Variants in BRPF1 observed in about 807,000 individuals in gnomAD.
The protein encoded by BRPF1 is bromodomain and PHD finger containing 1.
A neutral mutation model predicts 115.0 loss-of-function variants in BRPF1; 15 were observed. That is an observed-to-expected ratio of 0.13 (90% CI 0.09 to 0.20). The LOEUF (loss-of-function observed/expected upper bound fraction) is 0.20. BRPF1 is among the 10% of genes least tolerant of loss of function. BRPF1 has a pLI of 1.00. For missense variants in BRPF1, 1,118 were observed against 1,638.3 expected, an observed-to-expected ratio of 0.68 and a Z score of 5.48; for synonymous variants, 647 against 619.8, an observed-to-expected ratio of 1.04 and a Z score of -0.65.
At position 9,744,397 on chromosome 3, in the gene BRPF1, C is replaced by T. The variant is rs965340088; in HGVS notation, c.2809C>T (p.Pro937Ser). ...PSHGGSPVGPPQLPIMSSLRQ... is the reference protein window; with the variant it reads ...PSHGGSPVGPSQLPIMSSLRQ... ...CCACGGAGGCAGTCCTGTGGGGCCCCCCCAGCTCCCCATCATGAGTTCCCT... is the reference window on the plus strand; with the variant it reads ...CCACGGAGGCAGTCCTGTGGGGCCCTCCCAGCTCCCCATCATGAGTTCCCT... The change falls in exon 9 of 14, where the codon CCC (proline) becomes TCC (serine). Residue 937 changes from proline to serine, a missense_variant. Physicochemically the swap from Pro to Ser is moderately conservative, Grantham distance 74. Around this residue, in one of 10 missense-constraint regions of BRPF1, gnomAD observed 92 missense variants for 102.2 expected, o/e 0.90. Coordinates refer to ENST00000383829, the MANE Select transcript of BRPF1 (RefSeq NM_001003694.2). The T allele has an allele frequency of 3.7e-6, 6 of 1,611,300 alleles. No homozygotes were observed. Among genetic ancestry groups the T allele is most frequent in the Admixed American group, 1.7e-5 (1 of 59,614 alleles).
At position 9,741,311 on chromosome 3, in the gene BRPF1, G is replaced by T; in HGVS notation, c.1726G>T (p.Asp576Tyr). 2.5e-6 allele frequency: 4 copies of T among 1,573,320 alleles called. No individual in the cohort carries two copies. The highest frequency in any genetic ancestry group is 3.5e-6 in the Non-Finnish European group (4 of 1,155,998). Reference protein sequence around the residue: ...SQRNCDQVGRDSEDKNWALKE... With the variant: ...SQRNCDQVGRYSEDKNWALKE... ...GATCTTCGTTTTGCCTCTACAGAGA[G>T]ATTCTGAGGATAAGAACTGGGCCCT... The change falls in exon 5 of 14, where the codon GAT becomes TAT. Residue 576 changes from aspartate (D) to tyrosine (Y), a missense_variant. Physicochemically the swap from Asp to Tyr is radical, Grantham distance 160 (BLOSUM62 -3). Transcript: ENST00000383829.
chr3:9,738,325 C>T (rs1368192702), intron 2 of BRPF1, among the ~76,000 whole-genome samples: 2 of 152,236 alleles, frequency 1.3e-5, no homozygotes, highest in African/African-American at 4.8e-5. Context: ...AACACTAACT[C>T]TATGGCTGTG....
chr3:9,741,155 T>C (rs2077022583), intron 4 of BRPF1, among the ~76,000 whole-genome samples, 153 bp from the exon 5 acceptor site: 2 of 152,244 alleles, frequency 1.3e-5, no homozygotes, highest in Non-Finnish European at 2.9e-5. Context: ...GCATTTATTC[T>C]GCCAGGCCTT....
In BRPF1 at chr3:9,741,990, C is replaced by T. The variant is rs140008863; in HGVS notation, c.1855-35C>T. The T allele has an allele frequency of 6.0e-3, 9,688 of 1,611,658 alleles. 47 individuals carry two copies. The highest frequency in any genetic ancestry group is 6.4e-3 in the Non-Finnish European group (7,593 of 1,178,852). Reference sequence around the variant, plus strand: ...CAGACCTCTTTGCCACTGAACTGGCCGAGGCCTGGCTGATCAGGCCTTTTT... The same window carrying T: ...CAGACCTCTTTGCCACTGAACTGGCTGAGGCCTGGCTGATCAGGCCTTTTT... On this transcript the variant is annotated intron_variant, in intron 5 of 13. Coordinates refer to ENST00000383829, the MANE Select transcript of BRPF1 (RefSeq NM_001003694.2).
rs905665268 is a variant in BRPF1 at position 9,740,805 on chromosome 3, C to T, written c.1586C>T (p.Thr529Ile). 6.2e-7 allele frequency: 1 copy of T among 1,614,042 alleles called. No homozygotes were observed. Among genetic ancestry groups the T allele is most frequent in the South Asian group, 1.1e-5 (1 of 91,086 alleles). ...HRLSKITNRLTIQRKSQFMQR... is the reference protein window; with the variant it reads ...HRLSKITNRLIIQRKSQFMQR... Reference sequence around the variant, plus strand: ...CTTAGTAAAATCACCAACCGCCTGACCATCCAAAGGAAGAGCCAGTTCATG... The same window carrying T: ...CTTAGTAAAATCACCAACCGCCTGATCATCCAAAGGAAGAGCCAGTTCATG... Residue 529 changes from threonine to isoleucine, a missense_variant, in exon 4 of 14, where the codon ACC becomes ATC. Physicochemically the swap from Thr to Ile is moderately conservative, Grantham distance 89 (BLOSUM62 -1). Transcript: ENST00000383829.
At chr3:9,737,743 G>A (rs2076965803) in intron 2 of BRPF1, among the ~76,000 whole-genome samples, 1 of 152,202 alleles carries the variant, frequency 6.6e-6, no homozygotes, top group African/African-American at 2.4e-5. Context: ...TAGTGGTTAG[G>A]TGGCATTTTA....
At chr3:9,742,894 G>A in intron 6 of BRPF1, 50 bp from the exon 7 acceptor site, 1 of 1,573,674 alleles carries the variant, frequency 6.4e-7, no homozygotes, top group Non-Finnish European at 8.7e-7. Flanking sequence ...AGGGTTCGGG[G>A]CAATAAGGAG....
chr3:9,740,124 C>T (rs950241965), intron 3 of BRPF1, among the ~76,000 whole-genome samples, 166 bp downstream of exon 3: 1 of 152,236 alleles, frequency 6.6e-6, no homozygotes, highest in Non-Finnish European at 1.5e-5. Context: ...TAGCAGGTCA[C>T]CTGACTTTCA....
intron 9 of BRPF1, 22 bp from the exon 10 acceptor site, chr3:9,744,986 C>T (rs771793599): frequency 6.2e-7 from 1 of 1,614,172 alleles, no homozygotes; most frequent in Admixed American, 1.7e-5. Flanking sequence ...TTCCTTCCCT[C>T]CTCCCCTTCC....
At chr3:9,738,155 G>A (rs2076972123) in intron 2 of BRPF1, among the ~76,000 whole-genome samples, 2 of 152,024 alleles carry the variant, frequency 1.3e-5, no homozygotes, top group Non-Finnish European at 2.9e-5. Context: ...CTCAATTCCA[G>A]GCCTGTTGGC....
Position 9,744,486 on chromosome 3 carries a change from G to A in BRPF1, c.2898G>A (p.Lys966=). ...CGAGCTCAGACAGCGACAGTGATAA[G>A]TCCACAGAAGACCCCCCAATGGGTG... The part of the protein sequence containing the change: ...PSSSSDSDSD[K]STEDPPMDLP... Residue 966 remains lysine, a synonymous_variant, in exon 9 of 14, where the codon AAG becomes AAA. Transcript: ENST00000383829. 2 of 1,543,670 alleles carry A rather than the reference G, an allele frequency of 1.3e-6. No homozygotes were observed. Among genetic ancestry groups the A allele is most frequent in the South Asian group, 2.5e-5 (2 of 80,062 alleles).
At position 9,739,776 on chromosome 3, in the gene BRPF1, G is replaced by T; in HGVS notation, c.1377G>T (p.Leu459=). The T allele has an allele frequency of 1.9e-6, 3 of 1,614,036 alleles. No individual in the cohort carries two copies. Among genetic ancestry groups the T allele is most frequent in the Non-Finnish European group, 2.5e-6 (3 of 1,179,928 alleles). Residue 459 remains leucine, a synonymous_variant, in exon 3 of 14, where the codon CTG becomes CTT. Transcript: ENST00000383829. ...GTTCAGCACGCCGACTGCCTGCCCT[G>T]TCCCACAGCGAGGGTGAGGAGGATG... ...PPGSARRLPA[L]SHSEGEEDED...
chr3:9,736,286 A>G (rs2076940734), intron 2 of BRPF1, among the ~76,000 whole-genome samples: 1 of 152,294 alleles, frequency 6.6e-6, no homozygotes, highest in Non-Finnish European at 1.5e-5. Flanking sequence ...GATGACAGGC[A>G]TGAGCCACCG....
chr3:9,746,627 G>A (rs2077131729), intron 13 of BRPF1, among the ~76,000 whole-genome samples, 173 bp downstream of exon 13: 1 of 152,128 alleles, frequency 6.6e-6, no homozygotes, highest in Non-Finnish European at 1.5e-5. Flanking sequence ...ATGTGTCTGA[G>A]AGGCTGAGTG....
chr3:9,743,045 G>A lies in BRPF1; in HGVS notation c.2103G>A (p.Glu701=). ...YRYLNFDDFE[E]DFNLIVSNCL... ...ACCTGAATTTTGATGATTTTGAGGAGGACTTCAACCTCATCGTCAGCAACT... is the reference window on the plus strand; with the variant it reads ...ACCTGAATTTTGATGATTTTGAGGAAGACTTCAACCTCATCGTCAGCAACT... The change falls in exon 7 of 14, where the codon GAG becomes GAA. Residue 701 remains glutamate, a synonymous_variant. Coordinates refer to ENST00000383829, the MANE Select transcript of BRPF1 (RefSeq NM_001003694.2). This position sits in a 1 kb window ranked among gnomAD's most constrained non-coding sequence, Gnocchi z 6.1. 11 of 1,614,230 alleles carry A rather than the reference G, an allele frequency of 6.8e-6. No individual in the cohort carries two copies. Among genetic ancestry groups the A allele is most frequent in the Non-Finnish European group, 9.3e-6 (11 of 1,180,042 alleles).
At chr3:9,742,590 A>G in intron 6 of BRPF1, 1 of 969,050 alleles carries the variant, frequency 1.0e-6, no homozygotes, top group Non-Finnish European at 1.2e-6. Context: ...AGTTACTGTT[A>G]AGTAAAAAGA....
Position 9,739,033 on chromosome 3 carries a change from G to A in BRPF1, c.634G>A (p.Glu212Lys). 6.3e-7 allele frequency: 1 copy of A among 1,596,800 alleles called. No individual in the cohort carries two copies. Among genetic ancestry groups the A allele is most frequent in the Non-Finnish European group, 8.6e-7 (1 of 1,169,008 alleles). ...IEKSAEELDE[E>K]VEYDMDEEDY... Reference sequence around the variant, plus strand: ...GAAGTCTGCAGAGGAGCTGGACGAGGAAGTAGAGTATGACATGGACGAGGA... The same window carrying A: ...GAAGTCTGCAGAGGAGCTGGACGAGAAAGTAGAGTATGACATGGACGAGGA... The change falls in exon 3 of 14, where the codon GAA (glutamate) becomes AAA (lysine). Residue 212 changes from glutamate (E) to lysine (K), a missense_variant. Physicochemically the swap from Glu to Lys is moderately conservative, Grantham distance 56 (BLOSUM62 1). Around this residue, in one of 10 missense-constraint regions of BRPF1, gnomAD observed 280 missense variants for 382.8 expected, o/e 0.73. Coordinates refer to ENST00000383829, the MANE Select transcript of BRPF1 (RefSeq NM_001003694.2).
intron 5 of BRPF1, among the ~76,000 whole-genome samples, chr3:9,741,799 A>G (rs1340421702): frequency 6.6e-6 from 1 of 152,184 alleles, no homozygotes; most frequent in Admixed American, 6.5e-5. Context: ...ATCCTCAGTT[A>G]TGTGACATAG....
rs1352198277 is a variant in BRPF1, at chr3:9,734,877, G to C, written c.599+138G>C. The stretch of plus-strand genomic sequence containing the variant: ...AACACTGATTTTGCCAGGGCAGTGA[G>C]TGGAATGGTACGCCACTAATGCACT... On this transcript the variant is annotated intron_variant, in intron 2 of 13. Coordinates refer to ENST00000383829, the MANE Select transcript of BRPF1 (RefSeq NM_001003694.2). This position sits in a 1 kb window ranked among gnomAD's most constrained non-coding sequence, Gnocchi z 5.7. 1 of 1,072,166 alleles carries C rather than the reference G, an allele frequency of 9.3e-7. No individual in the cohort carries two copies. Among genetic ancestry groups the C allele is most frequent in the East Asian group, 2.5e-5 (1 of 40,420 alleles). The allele number at this position is 1,072,166 out of a possible 1,614,324, so 66.4% of individuals were successfully genotyped here.
Sources: allele counts gnomAD v4.1 joint callset (sites outside exome capture counted in the v4.1 genomes callset), GRCh38; gene constraint gnomAD v4.1.1; regional missense constraint gnomAD v4.1.1; non-coding constraint Gnocchi (gnomAD v3.1); transcripts MANE v1.5; gene names NCBI Gene and HGNC (gene_info 2026-07-23, HGNC 2026-07-21).